Variants in RPS6KA5 observed in about 807,000 individuals in gnomAD.
The protein encoded by RPS6KA5 is ribosomal protein S6 kinase alpha-5.
RPS6KA5 carries 27 observed loss-of-function variants against 85.5 expected under a neutral mutation model. The observed-to-expected ratio is 0.32, with a 90% CI of 0.23 to 0.44. RPS6KA5 has a LOEUF of 0.44. Ranked by LOEUF, RPS6KA5 falls within the 20% of genes least tolerant of loss-of-function variation. The probability of loss-of-function intolerance (pLI) is 1.00; values close to 1 mark genes in which losing one functional copy is unlikely to be tolerated. For missense variants in RPS6KA5, 811 were observed against 980.9 expected (o/e 0.83, Z 2.31); for synonymous variants, 334 against 348.2 (o/e 0.96, Z 0.46).
chr14:90,907,931 C>A (rs1450810445), intron 7 of RPS6KA5, among the ~76,000 whole-genome samples: 1 of 152,140 alleles, frequency 6.6e-6, no homozygotes, highest in African/African-American at 2.4e-5. Context: ...AAAAGCTTTG[C>A]ATAAAGGATC....
At chr14:91,007,561 GTAAA>G (rs2041073153) in intron 1 of RPS6KA5, among the ~76,000 whole-genome samples, 3 of 152,166 alleles carry the variant, frequency 2.0e-5, no homozygotes, top group Admixed American at 2.0e-4. Context: ...AAAAAGAGGT[GTAAA>G]TAGTTTTAAT....
chr14:90,943,246 C>T (rs1413009024), intron 4 of RPS6KA5, 61 bp from the exon 5 acceptor site: 1 of 897,934 alleles, frequency 1.1e-6, no homozygotes, highest in East Asian at 2.7e-5. Context: ...TTAGGGCAGT[C>T]TTTCTCGTCT....
chr14:91,001,343 A>G (rs1404748508), intron 1 of RPS6KA5, among the ~76,000 whole-genome samples, 184 bp from the exon 2 acceptor site: 1 of 152,210 alleles, frequency 6.6e-6, no homozygotes, highest in Non-Finnish European at 1.5e-5. Flanking sequence ...TATGCATTAC[A>G]ATAAAACTTT....
chr14:90,982,942 T>A (rs1452883456), intron 2 of RPS6KA5, among the ~76,000 whole-genome samples: 1 of 151,948 alleles, frequency 6.6e-6, no homozygotes, highest in Non-Finnish European at 1.5e-5. Flanking sequence ...TGAAACCCCA[T>A]CTCTACTAAA....
Position 90,851,897 on chromosome 14 carries a change from T to A in RPS6KA5, c.*20177A>T, listed in dbSNP as rs2032011264. The A allele has an allele frequency of 6.6e-6, 1 of 152,144 alleles. No homozygotes were observed. The highest frequency in any genetic ancestry group is 2.4e-5 in the African/African-American group (1 of 41,414). The allele number at this position is 152,144 out of a possible 1,614,324, so 9.4% of individuals were successfully genotyped here. Reference sequence around the variant, plus strand: ...TCACTGTACAAGGTCCAACTTTGCATCTAACTTCAACACACAGCCTTCCCA... The same window carrying A: ...TCACTGTACAAGGTCCAACTTTGCAACTAACTTCAACACACAGCCTTCCCA... On this transcript the variant is annotated 3_prime_UTR_variant, in exon 17 of 17. Transcript: ENST00000614987.
chr14:90,863,630 C>T lies in RPS6KA5; in HGVS notation c.*8444G>A, dbSNP rs1737534684. The T allele has an allele frequency of 6.6e-6, 1 of 151,916 alleles. No individual in the cohort carries two copies. The highest frequency in any genetic ancestry group is 1.5e-5 in the Non-Finnish European group (1 of 67,960). 9.4% of individuals were successfully genotyped at this position (151,916 alleles called of 1,614,324 possible). On this transcript the variant is annotated 3_prime_UTR_variant, in exon 17 of 17. Coordinates refer to ENST00000614987, the MANE Select transcript of RPS6KA5 (RefSeq NM_004755.4). ...GTAATATACCAAAAAAACTATATTT[C>T]TATAAACTAATTAAAAACAATTTGA...
rs114462833 is a variant in RPS6KA5 at position 90,959,517 on chromosome 14, A to G, written c.395-11967T>C. Among the ~76,000 whole-genome samples, 478 of 152,322 alleles carry G rather than the reference A, an allele frequency of 3.1e-3. 3 individuals are homozygous for G. The highest frequency in any genetic ancestry group is 0.011 in the African/African-American group (463 of 41,578). On this transcript the variant is annotated intron_variant, in intron 3 of 16. Transcript: ENST00000614987. ...AAGGACTCAGCATAACTGAGCAACT[A>G]AAGAGATGGAGTGGGTGTTACCTGA...
intron 2 of RPS6KA5, among the ~76,000 whole-genome samples, chr14:90,998,623 T>C (rs534057929): frequency 6.6e-6 from 1 of 152,338 alleles, no homozygotes; most frequent in South Asian, 2.1e-4. Context: ...TTTTGATATT[T>C]TGAAAGCATG....
rs993503907 is a variant in RPS6KA5 at position 90,870,644 on chromosome 14, G to A, written c.*1430C>T. On this transcript the variant is annotated 3_prime_UTR_variant, in exon 17 of 17. Transcript: ENST00000614987. ...TATCATGTCCAAATTCCAAACTAAT[G>A]CTCAAAAGGTTATCATTAACAAAAA... The A allele has an allele frequency of 3.9e-5, 6 of 151,934 alleles. No homozygotes were observed. The highest frequency in any genetic ancestry group is 1.5e-4 in the African/African-American group (6 of 41,324). The allele number at this position is 151,934 out of a possible 1,614,324, so 9.4% of individuals were successfully genotyped here.
intron 2 of RPS6KA5, among the ~76,000 whole-genome samples, chr14:90,992,876 C>G (rs1482782926): frequency 2.0e-5 from 3 of 152,188 alleles, no homozygotes. Flanking sequence ...GCATGTTAAA[C>G]TTTGAGGAAC....
intron 3 of RPS6KA5, among the ~76,000 whole-genome samples, chr14:90,956,964 G>GTTTTTTTT (rs61106740): frequency 1.1e-4 from 13 of 123,338 alleles, no homozygotes; most frequent in South Asian, 2.5e-4. Context: ...CTGTTTTTCT[G>GTTTTTTTT]TTTTTTTTTT....
At chr14:90,874,016 C>A (rs779750405) in intron 15 of RPS6KA5, among the ~76,000 whole-genome samples, 2 of 152,120 alleles carry the variant, frequency 1.3e-5, no homozygotes, top group Non-Finnish European at 1.5e-5. Flanking sequence ...AAGCTCCAGG[C>A]GAAGTGGCTT....
At chr14:91,045,698 C>T (rs1267602717) in intron 1 of RPS6KA5, among the ~76,000 whole-genome samples, 2 of 152,202 alleles carry the variant, frequency 1.3e-5, no homozygotes, top group Non-Finnish European at 1.5e-5. Context: ...TTCATATAAT[C>T]TCTATACCCA....
At chr14:90,905,534 G>T (rs1341212806) in intron 8 of RPS6KA5, among the ~76,000 whole-genome samples, 2 of 151,764 alleles carry the variant, frequency 1.3e-5, no homozygotes, top group Non-Finnish European at 2.9e-5. Flanking sequence ...ATATTTTGGT[G>T]TTTTTTTTGT....
At chr14:91,019,576 T>C (rs2041655850) in intron 1 of RPS6KA5, among the ~76,000 whole-genome samples, 1 of 152,212 alleles carries the variant, frequency 6.6e-6, no homozygotes, top group Non-Finnish European at 1.5e-5. Context: ...CAATTCCTTA[T>C]AATAAATCTT....
At chr14:91,004,919 GA>G (rs1325967491) in intron 1 of RPS6KA5, among the ~76,000 whole-genome samples, 1 of 151,552 alleles carries the variant, frequency 6.6e-6, no homozygotes, top group East Asian at 1.9e-4. Flanking sequence ...AGTGAGCCAA[GA>G]TCGCGCGCCA....
At position 90,862,119 on chromosome 14, in the gene RPS6KA5, G is replaced by A. The variant is rs763461336; in HGVS notation, c.*9955C>T. The A allele has an allele frequency of 3.3e-5, 5 of 152,256 alleles. No individual in the cohort carries two copies. The highest frequency in any genetic ancestry group is 3.9e-4 in the East Asian group (2 of 5,192). 9.4% of individuals were successfully genotyped at this position (152,256 alleles called of 1,614,324 possible). A position where few individuals can be genotyped will look rare whatever the true frequency, so the allele number is the denominator to read the frequency against. The stretch of plus-strand genomic sequence containing the variant: ...AAAGAAGACACAATACAGGAACCAA[G>A]AGGATATAGGACAAAAATGTAAAAG... On this transcript the variant is annotated 3_prime_UTR_variant, in exon 17 of 17. Transcript: ENST00000614987.
chr14:90,932,588 C>T (rs1344349818), intron 5 of RPS6KA5, among the ~76,000 whole-genome samples: 1 of 152,194 alleles, frequency 6.6e-6, no homozygotes, highest in South Asian at 2.1e-4. Flanking sequence ...CCACTCCCTT[C>T]CTCATACTCA....
At chr14:91,003,124 T>G (rs922942468) in intron 1 of RPS6KA5, among the ~76,000 whole-genome samples, 1 of 152,170 alleles carries the variant, frequency 6.6e-6, no homozygotes, top group African/African-American at 2.4e-5. Context: ...CTTAAGAGAT[T>G]ATTAAAGAGT....
Sources: gnomAD v4.1 joint callset for allele counts (sites outside exome capture counted in the v4.1 genomes callset) on GRCh38, gnomAD v4.1.1 for gene constraint, MANE v1.5 for transcripts, NCBI Gene and HGNC (gene_info 2026-07-23, HGNC 2026-07-21) for gene names.